The following SMARCC1 variants were observed in gnomAD, a reference collection of about 807,000 sequenced individuals.
SMARCC1 encodes SWI/SNF complex subunit SMARCC1.
A neutral mutation model predicts 147.4 loss-of-function variants in SMARCC1; 43 were observed. That is an observed-to-expected ratio of 0.29 (90% CI 0.23 to 0.38). The LOEUF (loss-of-function observed/expected upper bound fraction) is 0.38, where lower values mean the gene tolerates loss of function less well. Ranked by LOEUF, SMARCC1 falls within the 10% of genes least tolerant of loss-of-function variation. The pLI, the probability that SMARCC1 is intolerant of heterozygous loss-of-function variation, is 1.00. For synonymous variants in SMARCC1, 495 were observed against 484.4 expected, an observed-to-expected ratio of 1.02 and a Z score of -0.29; for missense variants, 1,119 against 1,381.1, an observed-to-expected ratio of 0.81 and a Z score of 3.01.
intron 1 of SMARCC1, 75 bp downstream of exon 1, chr3:47,781,528 G>T: frequency 9.1e-7 from 1 of 1,098,702 alleles, no homozygotes; most frequent in South Asian, 2.0e-5. Flanking sequence ...GGGGCGGCCC[G>T]AGGCCCGCGA....
intron 18 of SMARCC1, among the ~76,000 whole-genome samples, chr3:47,673,042 G>A (rs113560071): frequency 6.6e-6 from 1 of 151,860 alleles, no homozygotes; most frequent in Admixed American, 6.6e-5. Context: ...AGCCTCATTA[G>A]AGCCCACAAA....
At chr3:47,704,952 G>A (rs2033973309) in intron 10 of SMARCC1, among the ~76,000 whole-genome samples, 1 of 119,532 alleles carries the variant, frequency 8.4e-6, no homozygotes, top group Non-Finnish European at 1.7e-5. Flanking sequence ...TATATAAAAA[G>A]AATGTAGGCC....
intron 11 of SMARCC1, among the ~76,000 whole-genome samples, chr3:47,698,600 C>A (rs2033882982): frequency 6.6e-6 from 1 of 151,996 alleles, no homozygotes; most frequent in African/African-American, 2.4e-5. Flanking sequence ...AAAATTTACA[C>A]TGTCAGTAAC....
At chr3:47,651,747 G>A (rs1358272452) in intron 21 of SMARCC1, among the ~76,000 whole-genome samples, 2 of 152,028 alleles carry the variant, frequency 1.3e-5, no homozygotes, top group Non-Finnish European at 1.5e-5. Context: ...ATCTATACAC[G>A]TTAAGTTTTA....
chr3:47,619,524 G>A (rs1384816207), intron 25 of SMARCC1, among the ~76,000 whole-genome samples: 1 of 152,224 alleles, frequency 6.6e-6, no homozygotes, highest in Non-Finnish European at 1.5e-5. Flanking sequence ...GCAAAAAGTG[G>A]GGCAAAGGGC....
chr3:47,747,818 A>G (rs2034583843), intron 2 of SMARCC1, among the ~76,000 whole-genome samples: 1 of 151,758 alleles, frequency 6.6e-6, no homozygotes, highest in Admixed American at 6.6e-5. Flanking sequence ...AAAAAGAAAT[A>G]TAAGGATAGT....
At chr3:47,670,966 C>T (rs989202466) in intron 18 of SMARCC1, among the ~76,000 whole-genome samples, 2 of 151,902 alleles carry the variant, frequency 1.3e-5, no homozygotes, top group Admixed American at 6.6e-5. Flanking sequence ...GGGTGGATCA[C>T]TTGAGGTCAG....
At chr3:47,732,976 C>G (rs2034393616) in intron 5 of SMARCC1, among the ~76,000 whole-genome samples, 3 of 151,756 alleles carry the variant, frequency 2.0e-5, no homozygotes, top group Non-Finnish European at 2.9e-5. Context: ...GATGTGGTGG[C>G]GGGTGCCTGT....
rs750323941 is a variant in SMARCC1, at chr3:47,781,632, G to C, written c.166C>G (p.Arg56Gly). Residue 56 changes from arginine to glycine, a missense_variant, in exon 1 of 28, where the codon CGG becomes GGG. This residue lies in a region of SMARCC1 where 542 missense variants were observed against 611.8 expected (regional missense o/e 0.89). Transcript: ENST00000254480. ...TTGTAGTGCTTGCCCAGCCAGACCCGCACCGAATCCAGCTGGGACACCGTC... is the reference window on the plus strand; with the variant it reads ...TTGTAGTGCTTGCCCAGCCAGACCCCCACCGAATCCAGCTGGGACACCGTC... ...PETVSQLDSV[R>G]VWLGKHYKKY... 24 of 1,551,442 alleles carry C rather than the reference G, an allele frequency of 1.5e-5. No individual in the cohort carries two copies. The highest frequency in any genetic ancestry group is 1.0e-5 in the Non-Finnish European group (12 of 1,152,662).
At chr3:47,636,788 A>G (rs28367459) in intron 22 of SMARCC1, among the ~76,000 whole-genome samples, 7,065 of 80,342 alleles carry the variant, frequency 0.088, 231 homozygotes, top group East Asian at 0.13. Context: ...AAATATATAT[A>G]TGTGTGTGTG....
chr3:47,737,061 C>T (rs2034452388), intron 4 of SMARCC1, among the ~76,000 whole-genome samples: 1 of 152,094 alleles, frequency 6.6e-6, no homozygotes, highest in Admixed American at 6.6e-5. Flanking sequence ...AATATTCAAT[C>T]AAGTGAACAG....
chr3:47,759,782 A>T (rs1011024745), intron 2 of SMARCC1, among the ~76,000 whole-genome samples: 1 of 140,606 alleles, frequency 7.1e-6, no homozygotes, highest in Non-Finnish European at 1.5e-5. Flanking sequence ...TAAAAATACA[A>T]AAAAATTAGC....
intron 15 of SMARCC1, among the ~76,000 whole-genome samples, chr3:47,679,087 T>TA (rs2033607565): frequency 6.6e-6 from 1 of 152,056 alleles, no homozygotes; most frequent in Non-Finnish European, 1.5e-5. Flanking sequence ...AATATAGTAC[T>TA]TAACAACAAG....
Position 47,587,084 on chromosome 3 carries a change from C to T in SMARCC1, c.*1125G>A, listed in dbSNP as rs1434534133. The T allele has an allele frequency of 6.6e-6, 1 of 152,564 alleles. No individual in the cohort carries two copies. Among genetic ancestry groups the T allele is most frequent in the Non-Finnish European group, 1.5e-5 (1 of 68,032 alleles). 9.5% of individuals were successfully genotyped at this position (152,564 alleles called of 1,614,324 possible). A position where few individuals can be genotyped will look rare whatever the true frequency, so the allele number is the denominator to read the frequency against. On this transcript the variant is annotated 3_prime_UTR_variant, in exon 28 of 28. Transcript: ENST00000254480. ...GAAGGTATAAGGAGCTAATATCCTG[C>T]TTCACTTTTCCCGTCCCATCCTAAC...
intron 24 of SMARCC1, among the ~76,000 whole-genome samples, chr3:47,633,765 T>A (rs9837755): frequency 0.61 from 17,313 of 28,490 alleles, 5,172 homozygotes; most frequent in Non-Finnish European, 0.66. Flanking sequence ...AAAAAAAAAA[T>A]ATATATATAT....
At chr3:47,662,040 G>A (rs887921499) in intron 20 of SMARCC1, among the ~76,000 whole-genome samples, 10 of 151,008 alleles carry the variant, frequency 6.6e-5, no homozygotes, top group Non-Finnish European at 1.2e-4. Flanking sequence ...TTGCCCAGGG[G>A]ATGGAGTGCA....
intron 9 of SMARCC1, among the ~76,000 whole-genome samples, chr3:47,707,250 T>G (rs2034004182): frequency 6.6e-6 from 1 of 151,702 alleles, no homozygotes; most frequent in Non-Finnish European, 1.5e-5. Flanking sequence ...AGGCAAAGGT[T>G]GCACTGAATC....
chr3:47,742,269 A>C (rs1461796521), intron 3 of SMARCC1, among the ~76,000 whole-genome samples: 1 of 152,116 alleles, frequency 6.6e-6, no homozygotes, highest in Admixed American at 6.6e-5. Context: ...TCCGTCTCAA[A>C]AAAGAAAAAA....
chr3:47,735,573 C>G (rs901313683), intron 5 of SMARCC1, among the ~76,000 whole-genome samples: 3 of 152,010 alleles, frequency 2.0e-5, no homozygotes, highest in South Asian at 2.1e-4. Flanking sequence ...AGTTCGAGAC[C>G]AGGCTCACCA....
Sources: allele counts gnomAD v4.1 joint callset (sites outside exome capture counted in the v4.1 genomes callset), GRCh38; gene constraint gnomAD v4.1.1; regional missense constraint gnomAD v4.1.1; transcripts MANE v1.5; gene names NCBI Gene and HGNC (gene_info 2026-07-23, HGNC 2026-07-21).